Variants in BTAF1 observed in about 807,000 individuals in gnomAD.
BTAF1 encodes the protein B-TFIID TATA-box binding protein associated factor 1.
A neutral mutation model predicts 227.1 loss-of-function variants in BTAF1; 38 were observed. That is an observed-to-expected ratio of 0.17 (90% CI 0.13 to 0.22). The LOEUF is 0.22. Among genes scored for constraint, BTAF1 ranks in the 10% least tolerant of loss-of-function variants. The probability of loss-of-function intolerance (pLI) is 1.00; values close to 1 mark genes in which losing one functional copy is unlikely to be tolerated. For missense variants in BTAF1, 1,598 were observed against 2,204.0 expected (o/e 0.73, Z 5.51); for synonymous variants, 742 against 751.9 (o/e 0.99, Z 0.21).
intron 2 of BTAF1, among the ~76,000 whole-genome samples, chr10:91,936,454 C>G (rs1844618400): frequency 2.4e-5 from 2 of 82,302 alleles, no homozygotes; most frequent in Non-Finnish European, 4.5e-5. Flanking sequence ...GGATCTCTCT[C>G]TCTTTTCAGT....
intron 5 of BTAF1, among the ~76,000 whole-genome samples, chr10:91,953,043 A>G (rs1845871178): frequency 6.6e-6 from 1 of 152,170 alleles, no homozygotes; most frequent in African/African-American, 2.4e-5. Flanking sequence ...CATCGTTGCC[A>G]TAGGTCATTA....
intron 25 of BTAF1, among the ~76,000 whole-genome samples, chr10:92,003,577 A>G (rs921959141): frequency 5.3e-5 from 8 of 152,216 alleles, no homozygotes; most frequent in Admixed American, 3.9e-4. Flanking sequence ...AAATGACAAA[A>G]TTACCTTCTT....
At chr10:91,993,911 C>T (rs1431650002) in intron 22 of BTAF1, 64 bp downstream of exon 22, 4 of 1,261,456 alleles carry the variant, frequency 3.2e-6, no homozygotes, top group Non-Finnish European at 4.2e-6. Context: ...TTGAATATAT[C>T]CTTATAAAAT....
At chr10:91,985,912 CT>C (rs1250486995) in intron 19 of BTAF1, among the ~76,000 whole-genome samples, 1 of 151,882 alleles carries the variant, frequency 6.6e-6, no homozygotes, top group African/African-American at 2.4e-5. Flanking sequence ...AGTGGTTTGC[CT>C]TTTGATTCTC....
In BTAF1 at chr10:92,031,313, A is replaced by G. The variant is rs1228802802; in HGVS notation, c.*2380A>G. Among the ~76,000 whole-genome samples the G allele has an allele frequency of 1.3e-5, 2 of 152,200 alleles. No individual in the cohort carries two copies. The highest frequency in any genetic ancestry group is 1.9e-4 in the East Asian group (1 of 5,204). ...TATTTATTCTACAAACATTTCTCCA[A>G]AAAGTATTCTAGTGAAAGGGTAAAA... On this transcript the variant is annotated 3_prime_UTR_variant, in exon 38 of 38. Coordinates refer to ENST00000265990, the MANE Select transcript of BTAF1 (RefSeq NM_003972.3).
intron 18 of BTAF1, 136 bp downstream of exon 18, chr10:91,982,897 A>G: frequency 2.1e-6 from 2 of 932,696 alleles, no homozygotes; most frequent in Non-Finnish European, 3.1e-6. Flanking sequence ...TGTCCAAATT[A>G]TATTGAAGAT....
chr10:91,967,803 C>T (rs577392212), intron 14 of BTAF1, among the ~76,000 whole-genome samples: 1 of 152,004 alleles, frequency 6.6e-6, no homozygotes, highest in African/African-American at 2.4e-5. Context: ...TTTGTGAATT[C>T]TTAAATTCAT....
At chr10:91,944,699 G>A (rs1845242810) in intron 4 of BTAF1, among the ~76,000 whole-genome samples, 1 of 152,138 alleles carries the variant, frequency 6.6e-6, no homozygotes, top group Non-Finnish European at 1.5e-5. Context: ...CATATCCTTA[G>A]CTATCACCCT....
intron 19 of BTAF1, among the ~76,000 whole-genome samples, chr10:91,984,915 C>T (rs11186781): frequency 4.0e-4 from 61 of 152,114 alleles, no homozygotes; most frequent in East Asian, 2.1e-3. Flanking sequence ...TTTTTAAATG[C>T]GTTTCTAAGT....
chr10:91,973,835 C>T (rs1320098499), intron 14 of BTAF1, among the ~76,000 whole-genome samples: 1 of 135,318 alleles, frequency 7.4e-6, no homozygotes, highest in African/African-American at 2.7e-5. Context: ...ACCCGGGAGG[C>T]GGAGCTTGCA....
At chr10:92,024,252 A>G (rs1590001565) in intron 34 of BTAF1, among the ~76,000 whole-genome samples, 1 of 152,122 alleles carries the variant, frequency 6.6e-6, no homozygotes, top group South Asian at 2.1e-4. Context: ...TGGCTGCTCC[A>G]TTGTTTTCTT....
At chr10:91,992,817 T>C (rs1293951082) in intron 21 of BTAF1, among the ~76,000 whole-genome samples, 2 of 152,212 alleles carry the variant, frequency 1.3e-5, no homozygotes, top group Non-Finnish European at 2.9e-5. Flanking sequence ...TATTCAGGCT[T>C]TCCATTATCT....
intron 2 of BTAF1, among the ~76,000 whole-genome samples, chr10:91,936,818 G>A (rs12415793): frequency 0.3 from 45,877 of 151,992 alleles, 8,509 homozygotes; most frequent in South Asian, 0.52. Context: ...ACAATGAACA[G>A]GCCTCATCTG....
intron 25 of BTAF1, among the ~76,000 whole-genome samples, chr10:92,000,199 C>G (rs1273082650): frequency 6.6e-6 from 1 of 152,274 alleles, no homozygotes; most frequent in East Asian, 1.9e-4. Flanking sequence ...TGTTTTCATC[C>G]TCTGCTTCCT....
intron 9 of BTAF1, chr10:91,959,424 G>A (rs925239017): frequency 1.7e-5 from 8 of 479,076 alleles, no homozygotes; most frequent in Non-Finnish European, 2.6e-5. Flanking sequence ...TGCTTGATAT[G>A]AGAACAACCT....
chr10:91,997,804 A>T (rs1849241807), intron 25 of BTAF1, 53 bp downstream of exon 25: 1 of 1,580,186 alleles, frequency 6.3e-7, no homozygotes, highest in Admixed American at 1.7e-5. Context: ...AACTTGATCC[A>T]TAATAATTGT....
chr10:92,024,734 T>TTTTTTGTG, intron 34 of BTAF1, 22 bp from the exon 35 acceptor site: 6 of 1,529,510 alleles, frequency 3.9e-6, no homozygotes, highest in Non-Finnish European at 1.8e-6. Flanking sequence ...CTTATGTAGT[T>TTTTTTGTG]TTTTTTTTTT....
chr10:92,003,097 A>G (rs1849656602), intron 25 of BTAF1, among the ~76,000 whole-genome samples: 1 of 150,962 alleles, frequency 6.6e-6, no homozygotes, highest in Non-Finnish European at 1.5e-5. Context: ...CGGAGGTTGC[A>G]GTGAGTTGAG....
intron 8 of BTAF1, among the ~76,000 whole-genome samples, chr10:91,958,571 G>A (rs1225727931): frequency 4.6e-5 from 7 of 152,002 alleles, no homozygotes; most frequent in African/African-American, 1.2e-4. Flanking sequence ...GCGTGGTGGC[G>A]GGCGCCTGAA....
Sources: gnomAD v4.1 joint callset for allele counts (sites outside exome capture counted in the v4.1 genomes callset) on GRCh38, gnomAD v4.1.1 for gene constraint, MANE v1.5 for transcripts, NCBI Gene and HGNC (gene_info 2026-07-23, HGNC 2026-07-21) for gene names.